EFEMP1: variants seen among roughly 807,000 people sequenced by gnomAD.
EFEMP1 encodes EGF-like fibulin extracellular matrix protein 1.
A neutral mutation model predicts 65.7 loss-of-function variants in EFEMP1; 18 were observed. That is an observed-to-expected ratio of 0.27 (90% CI 0.19 to 0.41). The LOEUF (loss-of-function observed/expected upper bound fraction) is 0.41, where lower values mean the gene tolerates loss of function less well. Among genes scored for constraint, EFEMP1 ranks in the 10% least tolerant of loss-of-function variants. EFEMP1 has a pLI of 1.00. For missense variants in EFEMP1, 469 were observed against 624.8 expected (o/e 0.75, Z 2.66); for synonymous variants, 237 against 219.7 (o/e 1.08, Z -0.70).
chr2:55,874,573 A>G (rs1034119365), intron 9 of EFEMP1, among the ~76,000 whole-genome samples: 2 of 152,088 alleles, frequency 1.3e-5, no homozygotes, highest in Non-Finnish European at 2.9e-5. Context: ...CTAAGACTGG[A>G]TGGAGGTATG....
chr2:55,918,231 G>C lies in EFEMP1; in HGVS notation c.118C>G (p.Gln40Glu). 1 of 1,614,200 alleles carries C rather than the reference G, an allele frequency of 6.2e-7. No individual in the cohort carries two copies. The part of the protein sequence containing the change: ...TDGYEWDPVR[Q>E]QCKDIDECDI... Reference sequence around the variant, plus strand: ...GAAGCTGGCTCACCTTTGCATTGCTGTCTCACAGGATCCCACTCATATCCG... The same window carrying C: ...GAAGCTGGCTCACCTTTGCATTGCTCTCTCACAGGATCCCACTCATATCCG... The change falls in exon 4 of 12, where the codon CAG becomes GAG. Residue 40 changes from glutamine (Q) to glutamate (E), a missense_variant. By Grantham distance (29) the Gln-to-Glu change is conservative. This residue lies in a region of EFEMP1 where 66 missense variants were observed against 73.0 expected (regional missense o/e 0.90). Coordinates refer to ENST00000355426, the MANE Select transcript of EFEMP1 (RefSeq NM_001039348.3).
intron 4 of EFEMP1, 82 bp from the exon 5 acceptor site, chr2:55,918,133 G>T: frequency 6.2e-7 from 1 of 1,612,084 alleles, no homozygotes; most frequent in Non-Finnish European, 8.5e-7. Context: ...TGCCTTTTTG[G>T]TATAACACAG....
At chr2:55,901,112 G>C (rs1024288347) in intron 5 of EFEMP1, among the ~76,000 whole-genome samples, 25 of 152,128 alleles carry the variant, frequency 1.6e-4, no homozygotes, top group African/African-American at 6.0e-4. Context: ...ATAGACTGTG[G>C]GAAGAAAAAT....
chr2:55,922,778 C>T lies in EFEMP1; in HGVS notation c.-8+121G>A, dbSNP rs528463205. ...GAAAGAGGGGGTCGAAAGGAAAAAACAGTAATCCATTTCAAAGGGGACGGT... is the reference window on the plus strand; with the variant it reads ...GAAAGAGGGGGTCGAAAGGAAAAAATAGTAATCCATTTCAAAGGGGACGGT... On this transcript the variant is annotated intron_variant, in intron 2 of 11. Transcript: ENST00000355426. This position sits in a 1 kb window ranked among gnomAD's most constrained non-coding sequence, Gnocchi z 5.5. 4.0e-5 allele frequency: 31 copies of T among 768,618 alleles called. No individual in the cohort carries two copies. The African/African-American group carries it at 5.0e-4, about 12-fold the overall frequency. 47.6% of individuals were successfully genotyped at this position (768,618 alleles called of 1,614,324 possible).
At chr2:55,911,939 G>C (rs1480054924) in intron 5 of EFEMP1, among the ~76,000 whole-genome samples, 2 of 152,156 alleles carry the variant, frequency 1.3e-5, no homozygotes, top group African/African-American at 4.8e-5. Flanking sequence ...AGTAAATTAT[G>C]AAACAATGCT....
chr2:55,923,036 A>T lies in EFEMP1; in HGVS notation c.-48-97T>A. 7 of 808,398 alleles carry T rather than the reference A, an allele frequency of 8.7e-6. No homozygotes were observed. Among genetic ancestry groups the T allele is most frequent in the Non-Finnish European group, 1.1e-5 (7 of 661,344 alleles). 50.1% of individuals were successfully genotyped at this position (808,398 alleles called of 1,614,324 possible). ...GAGAGCAATCTTCCAGTTCTAGTAGAATACTAGACCTTCTCACATGTCTCA... is the reference window on the plus strand; with the variant it reads ...GAGAGCAATCTTCCAGTTCTAGTAGTATACTAGACCTTCTCACATGTCTCA... On this transcript the variant is annotated intron_variant, in intron 1 of 11. Transcript: ENST00000355426. The surrounding 1 kb of genome is among the most constrained non-coding windows in gnomAD (Gnocchi z 5.3).
chr2:55,874,837 A>G, intron 9 of EFEMP1, 109 bp downstream of exon 9: 4 of 1,197,802 alleles, frequency 3.3e-6, no homozygotes, highest in East Asian at 2.9e-5. Flanking sequence ...CTTAAATTGT[A>G]TATTGAAAGT....
In EFEMP1 at chr2:55,901,361, A is replaced by T. The variant is rs537399386; in HGVS notation, c.517+16304T>A. ...AAAATTACTTGTTGAGTGGAGTAAA[A>T]GACTTTAAACTAGTTTTAAAATTGA... On this transcript the variant is annotated intron_variant, in intron 5 of 11. Coordinates refer to ENST00000355426, the MANE Select transcript of EFEMP1 (RefSeq NM_001039348.3). 5.3e-5 allele frequency among the ~76,000 whole-genome samples: 8 copies of T among 152,342 alleles called. No individual in the cohort carries two copies. The South Asian group carries it at 1.7e-3, about 32-fold the overall frequency.
intron 8 of EFEMP1, among the ~76,000 whole-genome samples, chr2:55,876,236 C>T (rs1055778411): frequency 6.6e-6 from 1 of 151,980 alleles, no homozygotes; most frequent in Non-Finnish European, 1.5e-5. Context: ...CTTAAATGTG[C>T]ACACCAGTCA....
At chr2:55,905,499 G>A (rs932627946) in intron 5 of EFEMP1, among the ~76,000 whole-genome samples, 1 of 152,110 alleles carries the variant, frequency 6.6e-6, no homozygotes, top group South Asian at 2.1e-4. Flanking sequence ...CCAGGCTGGA[G>A]TACAATGGTG....
rs1329274196 is a variant in EFEMP1 at position 55,923,424 on chromosome 2, T to A, written c.-49+287A>T. 2.0e-5 allele frequency among the ~76,000 whole-genome samples: 3 copies of A among 152,126 alleles called. No homozygotes were observed. Among genetic ancestry groups the A allele is most frequent in the African/African-American group, 7.2e-5 (3 of 41,426 alleles). The stretch of plus-strand genomic sequence containing the variant: ...GTGCGGCTTAAATCTCGCACACTGG[T>A]CCCCTAAACTTTCAAAACCACGTTT... On this transcript the variant is annotated intron_variant, in intron 1 of 11. Transcript: ENST00000355426. This position sits in a 1 kb window ranked among gnomAD's most constrained non-coding sequence, Gnocchi z 5.3.
intron 5 of EFEMP1, among the ~76,000 whole-genome samples, chr2:55,892,085 G>C (rs969304503): frequency 6.6e-6 from 1 of 152,064 alleles, no homozygotes; most frequent in African/African-American, 2.4e-5. Flanking sequence ...AAGGCCATAA[G>C]GGACAAAAGA....
intron 5 of EFEMP1, among the ~76,000 whole-genome samples, chr2:55,887,262 G>A (rs940276664): frequency 1.3e-5 from 2 of 152,168 alleles, no homozygotes; most frequent in Non-Finnish European, 1.5e-5. Flanking sequence ...AGGTCCTGAG[G>A]AAGACTTATT....
At chr2:55,903,995 C>A (rs1274546858) in intron 5 of EFEMP1, among the ~76,000 whole-genome samples, 5 of 152,158 alleles carry the variant, frequency 3.3e-5, no homozygotes, top group African/African-American at 1.2e-4. Context: ...GGGGTCCTGT[C>A]TTTCAGGGTA....
chr2:55,920,588 T>C (rs937965165), intron 3 of EFEMP1, among the ~76,000 whole-genome samples: 1 of 152,262 alleles, frequency 6.6e-6, no homozygotes, highest in East Asian at 1.9e-4. Context: ...GGCAGTTCAC[T>C]TGAATAATTT....
Position 55,871,549 on chromosome 2 carries a change from T to C in EFEMP1, c.1001-426A>G, listed in dbSNP as rs1668809816. 6.6e-6 allele frequency among the ~76,000 whole-genome samples: 1 copy of C among 152,064 alleles called. No individual in the cohort carries two copies. The highest frequency in any genetic ancestry group is 6.6e-5 in the Admixed American group (1 of 15,238). On this transcript the variant is annotated intron_variant, in intron 9 of 11. Coordinates refer to ENST00000355426, the MANE Select transcript of EFEMP1 (RefSeq NM_001039348.3). The surrounding 1 kb of genome is among the most constrained non-coding windows in gnomAD (Gnocchi z 4.2). ...GCATGTGGAGCAGAGTTGGGTAATT[T>C]TGCCAGGGGGATTAGGGAAGGCTGA...
At chr2:55,907,322 G>C (rs1183426648) in intron 5 of EFEMP1, among the ~76,000 whole-genome samples, 2 of 152,190 alleles carry the variant, frequency 1.3e-5, no homozygotes, top group Non-Finnish European at 1.5e-5. Context: ...GGCATAAATA[G>C]TTAGAATAAA....
intron 5 of EFEMP1, among the ~76,000 whole-genome samples, chr2:55,895,641 A>C (rs1255810050): frequency 1.3e-5 from 2 of 149,712 alleles, no homozygotes; most frequent in South Asian, 2.1e-4. Flanking sequence ...CCCGGGGTTC[A>C]CGCCATTCTC....
At chr2:55,896,919 A>G (rs1182576677) in intron 5 of EFEMP1, among the ~76,000 whole-genome samples, 1 of 152,132 alleles carries the variant, frequency 6.6e-6, no homozygotes, top group Admixed American at 6.5e-5. Context: ...GTCTATCTTC[A>G]TGTACTGCAC....
Sources: allele counts gnomAD v4.1 joint callset (sites outside exome capture counted in the v4.1 genomes callset), GRCh38; gene constraint gnomAD v4.1.1; regional missense constraint gnomAD v4.1.1; non-coding constraint Gnocchi (gnomAD v3.1); transcripts MANE v1.5; gene names NCBI Gene and HGNC (gene_info 2026-07-23, HGNC 2026-07-21).